The following RBFOX1 variants were observed in gnomAD, a reference collection of about 807,000 sequenced individuals.
RBFOX1 encodes the protein RNA binding fox-1 homolog 1, also known as RNA binding protein fox-1 homolog 1.
RBFOX1 carries 8 observed loss-of-function variants against 57.7 expected under a neutral mutation model. The observed-to-expected ratio is 0.14, with a 90% CI of 0.08 to 0.25. The LOEUF (loss-of-function observed/expected upper bound fraction) is 0.25. Among genes scored for constraint, RBFOX1 ranks in the 10% least tolerant of loss-of-function variants. RBFOX1 has a pLI of 1.00. For synonymous variants in RBFOX1, 326 were observed against 222.4 expected, an observed-to-expected ratio of 1.47 and a Z score of -4.15; for missense variants, 611 against 548.5, an observed-to-expected ratio of 1.11 and a Z score of -1.14.
chr16:6,495,099 C>T (rs1164016720), intron 2 of RBFOX1, among the ~76,000 whole-genome samples: 1 of 152,058 alleles, frequency 6.6e-6, no homozygotes, highest in African/African-American at 2.4e-5. Flanking sequence ...AATCAATGTC[C>T]CCGCTTTCTT....
At chr16:6,991,105 C>T (rs2091352839) in intron 3 of RBFOX1, among the ~76,000 whole-genome samples, 1 of 133,182 alleles carries the variant, frequency 7.5e-6, no homozygotes, top group South Asian at 2.4e-4. Flanking sequence ...AGTTCGAGGC[C>T]ATCCTAGGCA....
At chr16:6,231,292 T>G (rs17139612) in intron 1 of RBFOX1, among the ~76,000 whole-genome samples, 7 of 151,220 alleles carry the variant, frequency 4.6e-5, no homozygotes, top group African/African-American at 1.5e-4. Context: ...GAATTTAGTG[T>G]AGGTCTAAGG....
At chr16:5,700,110 G>A (rs1393273538) in intron 3 of RBFOX1, among the ~76,000 whole-genome samples, 1 of 152,198 alleles carries the variant, frequency 6.6e-6, no homozygotes, top group Non-Finnish European at 1.5e-5. Context: ...GGGATTACAG[G>A]CGTGAGCCAC....
At chr16:6,649,572 T>C (rs533721237) in intron 2 of RBFOX1, among the ~76,000 whole-genome samples, 19 of 152,304 alleles carry the variant, frequency 1.2e-4, no homozygotes, top group Admixed American at 9.8e-4. Flanking sequence ...ATGCCTTTGC[T>C]TCCTCATCGC....
chr16:5,503,693 C>G (rs905512281), intron 2 of RBFOX1, among the ~76,000 whole-genome samples: 1 of 152,122 alleles, frequency 6.6e-6, no homozygotes, highest in East Asian at 1.9e-4. Context: ...ATCCATCTGC[C>G]TCGGCCTCCC....
In RBFOX1 at chr16:6,195,055, G is replaced by C. The variant is rs2097170939; in HGVS notation, c.-126-121940G>C. On this transcript the variant is annotated intron_variant, in intron 1 of 15. Transcript: ENST00000550418. ...TTTTTCCTTGCCCCCAAATCTTTCAGATACGGAATCAGAGAAACATAAGAT... is the reference window on the plus strand; with the variant it reads ...TTTTTCCTTGCCCCCAAATCTTTCACATACGGAATCAGAGAAACATAAGAT... 2.6e-5 allele frequency among the ~76,000 whole-genome samples: 4 copies of C among 152,138 alleles called. No individual in the cohort carries two copies. In the South Asian group the frequency reaches 8.3e-4, roughly 32 times the overall value.
intron 4 of RBFOX1, among the ~76,000 whole-genome samples, chr16:7,078,272 C>T (rs1390498019): frequency 1.3e-5 from 2 of 152,174 alleles, no homozygotes; most frequent in Non-Finnish European, 2.9e-5. Flanking sequence ...GTTTAGAAAC[C>T]ACCTTAGGAA....
chr16:7,379,643 C>T (rs117007933), intron 4 of RBFOX1, among the ~76,000 whole-genome samples: 1 of 152,160 alleles, frequency 6.6e-6, no homozygotes. Context: ...AGGGCTACAT[C>T]TCAGGAGGGT....
intron 4 of RBFOX1, among the ~76,000 whole-genome samples, chr16:7,422,167 T>TGTGTGC (rs2098549292): frequency 6.6e-6 from 1 of 152,138 alleles, no homozygotes; most frequent in Non-Finnish European, 1.5e-5. Context: ...CGTGTGCGTG[T>TGTGTGC]GTGTGCGTGT....
intron 5 of RBFOX1, among the ~76,000 whole-genome samples, chr16:7,575,108 C>T (rs1041885563): frequency 6.6e-6 from 1 of 152,034 alleles, no homozygotes; most frequent in Non-Finnish European, 1.5e-5. Context: ...AACACAAAAT[C>T]CTCCTGGATT....
intron 3 of RBFOX1, among the ~76,000 whole-genome samples, chr16:7,009,366 A>T (rs1439329035): frequency 1.3e-5 from 2 of 151,020 alleles, no homozygotes; most frequent in African/African-American, 4.9e-5. Context: ...GTCTCTTGGA[A>T]TTAGAAGCAC....
intron 3 of RBFOX1, among the ~76,000 whole-genome samples, chr16:5,689,325 C>A (rs1464331314): frequency 6.6e-6 from 1 of 152,214 alleles, no homozygotes. Flanking sequence ...AGGGTTGTTA[C>A]ACAGAGTTAG....
chr16:6,484,114 C>A (rs1201935180), intron 2 of RBFOX1, among the ~76,000 whole-genome samples: 31 of 152,104 alleles, frequency 2.0e-4, no homozygotes, highest in Admixed American at 2.0e-3. Context: ...TCATTGGCTC[C>A]GTTTAACTTT....
intron 4 of RBFOX1, among the ~76,000 whole-genome samples, chr16:7,212,121 G>C (rs1032818947): frequency 2.0e-5 from 3 of 152,202 alleles, no homozygotes; most frequent in Non-Finnish European, 4.4e-5. Flanking sequence ...ATGCATGGAA[G>C]GAAGGTGGAT....
chr16:6,657,296 T>A (rs932405919), intron 3 of RBFOX1, among the ~76,000 whole-genome samples: 5 of 152,184 alleles, frequency 3.3e-5, no homozygotes, highest in Non-Finnish European at 5.9e-5. Flanking sequence ...TTTCTCTGTT[T>A]CTAACAATTG....
intron 4 of RBFOX1, among the ~76,000 whole-genome samples, chr16:7,358,841 T>C (rs78873708): frequency 0.015 from 2,298 of 152,304 alleles, 30 homozygotes; most frequent in Non-Finnish European, 0.024. Flanking sequence ...CGATGACTTA[T>C]CTACATAATA....
At chr16:5,467,193 TCTC>T (rs2068979261) in intron 1 of RBFOX1, 3 of 1,459,154 alleles carry the variant, frequency 2.1e-6, no homozygotes, top group East Asian at 2.5e-5. Context: ...TCTCTCTCTC[TCTC>T]TTTTTTTTTT....
chr16:6,389,237 G>A (rs1344625954), intron 2 of RBFOX1, among the ~76,000 whole-genome samples: 1 of 152,064 alleles, frequency 6.6e-6, no homozygotes, highest in Non-Finnish European at 1.5e-5. Flanking sequence ...TGTGTCTGTG[G>A]GCACAAGTTG....
chr16:5,521,564 C>T (rs1376550483), intron 2 of RBFOX1, among the ~76,000 whole-genome samples: 2 of 152,166 alleles, frequency 1.3e-5, no homozygotes, highest in African/African-American at 4.8e-5. Flanking sequence ...CATGATTGGC[C>T]TCTGCAGATG....
Sources: allele counts gnomAD v4.1 joint callset (sites outside exome capture counted in the v4.1 genomes callset), GRCh38; gene constraint gnomAD v4.1.1; transcripts MANE v1.5; gene names NCBI Gene and HGNC (gene_info 2026-07-23, HGNC 2026-07-21).